PATJ: variants seen among roughly 807,000 people sequenced by gnomAD.
The protein encoded by PATJ is PATJ crumbs cell polarity complex component, also known as inaD-like protein.
Under a neutral mutation model 224.9 loss-of-function variants are expected in PATJ, and 190 were observed. The ratio of observed to expected loss-of-function variants is 0.84; its 90% CI spans 0.75 to 0.95. PATJ has a LOEUF of 0.95. PATJ is among the 40% of genes least tolerant of loss of function. The pLI, the probability that PATJ is intolerant of heterozygous loss-of-function variation, is 0.00. For synonymous variants in PATJ, 769 were observed against 820.3 expected (o/e 0.94, Z 1.07); for missense variants, 2,121 against 2,270.3 (o/e 0.93, Z 1.34).
chr1:61,769,611 T>A (rs1158921494), intron 5 of PATJ, among the ~76,000 whole-genome samples, 189 bp downstream of exon 5: 1 of 152,168 alleles, frequency 6.6e-6, no homozygotes, highest in African/African-American at 2.4e-5. Context: ...TTCCACTATA[T>A]AGGTATCATC....
intron 41 of PATJ, among the ~76,000 whole-genome samples, chr1:62,130,445 G>T (rs1294768168): frequency 6.6e-6 from 1 of 152,008 alleles, no homozygotes; most frequent in Admixed American, 6.6e-5. Context: ...CAGGAGAATT[G>T]CTTGAGCCCA....
At chr1:62,100,346 T>C (rs41289424) in intron 33 of PATJ, 9,649 of 718,118 alleles carry the variant, frequency 0.013, 88 homozygotes, top group Non-Finnish European at 0.019. Flanking sequence ...TCCAAGAGCA[T>C]GGAGCCAGCA....
At chr1:61,802,980 G>C (rs1391981912) in intron 12 of PATJ, among the ~76,000 whole-genome samples, 1 of 152,144 alleles carries the variant, frequency 6.6e-6, no homozygotes, top group African/African-American at 2.4e-5. Flanking sequence ...AATAGCCTAT[G>C]ATTTGGAAAT....
At chr1:61,883,993 G>A (rs532150060) in intron 21 of PATJ, among the ~76,000 whole-genome samples, 60 of 151,514 alleles carry the variant, frequency 4.0e-4, no homozygotes, top group East Asian at 3.7e-3. Flanking sequence ...TTTTTTTTTA[G>A]TGAGGCCACT....
At position 62,128,060 on chromosome 1, in the gene PATJ, C is replaced by T. The variant is rs374972112; in HGVS notation, c.5132C>T (p.Ala1711Val). 6.8e-6 allele frequency: 11 copies of T among 1,614,136 alleles called. No homozygotes were observed. In the African/African-American group the frequency reaches 1.3e-4, roughly 20 times the overall value. Residue 1711 changes from alanine (A) to valine (V), a missense_variant, in exon 40 of 44, where the codon GCT (alanine) becomes GTT (valine). Physicochemically the swap from Ala to Val is moderately conservative, Grantham distance 64. Coordinates refer to ENST00000642238, the MANE Select transcript of PATJ (RefSeq NM_001350145.3). The part of the protein sequence containing the change: ...DIPVFIAMIQ[A>V]SGVAARTQKL... ...CCCGTATTTATTGCCATGATTCAGG[C>T]TAGCGGAGTGGCCGCACGGACACAG...
intron 37 of PATJ, among the ~76,000 whole-genome samples, chr1:62,119,653 G>A (rs1205270326): frequency 1.3e-5 from 2 of 152,032 alleles, no homozygotes; most frequent in South Asian, 2.1e-4. Context: ...TTTTATAAAC[G>A]TCTTGGGGCC....
At chr1:62,098,420 C>T (rs1661671556) in intron 33 of PATJ, among the ~76,000 whole-genome samples, 1 of 151,154 alleles carries the variant, frequency 6.6e-6, no homozygotes, top group South Asian at 2.1e-4. Context: ...CATGGCGAAA[C>T]CCCATCTCTA....
intron 31 of PATJ, among the ~76,000 whole-genome samples, chr1:62,070,660 A>G (rs1014318132): frequency 3.3e-5 from 5 of 152,188 alleles, no homozygotes; most frequent in African/African-American, 1.2e-4. Flanking sequence ...AGTTCATTTT[A>G]TATCATATCA....
chr1:61,975,121 A>AT (rs1644059496), intron 27 of PATJ, among the ~76,000 whole-genome samples: 1 of 151,504 alleles, frequency 6.6e-6, no homozygotes, highest in Non-Finnish European at 1.5e-5. Context: ...ATGTTCTTTT[A>AT]TTTTTTGTAA....
At chr1:62,079,652 C>T (rs1658931838) in intron 32 of PATJ, 85 bp downstream of exon 32, 1 of 854,286 alleles carries the variant, frequency 1.2e-6, no homozygotes, top group South Asian at 1.6e-5. Flanking sequence ...AGAACTGGAC[C>T]AGGAGGCAGA....
rs528618077 is a variant in PATJ, at chr1:61,923,248, CT to C, written c.3571-4481del. On this transcript the variant is annotated intron_variant, in intron 26 of 43. Transcript: ENST00000642238. ...TAGTGGTTGCAGAATGCTCTTTTTA[CT>C]GTATTACTTTTCTCTGAAATTGCAT... Among the ~76,000 whole-genome samples, 60 of 152,308 alleles carry C rather than the reference CT, an allele frequency of 3.9e-4. 1 individual carries two copies. The highest frequency in any genetic ancestry group is 1.4e-3 in the African/African-American group (58 of 41,562).
At chr1:62,004,196 C>T (rs1179187318) in intron 28 of PATJ, among the ~76,000 whole-genome samples, 3 of 152,130 alleles carry the variant, frequency 2.0e-5, no homozygotes, top group East Asian at 1.9e-4. Context: ...TCCTTGAGGG[C>T]GGCAACTGTA....
intron 27 of PATJ, among the ~76,000 whole-genome samples, chr1:61,934,886 C>T (rs767590207): frequency 7.9e-5 from 12 of 152,132 alleles, no homozygotes; most frequent in Non-Finnish European, 1.2e-4. Flanking sequence ...CTCTTTCTGC[C>T]GAACCGCACC....
intron 22 of PATJ, among the ~76,000 whole-genome samples, chr1:61,885,140 A>G (rs894537987): frequency 3.3e-5 from 5 of 152,196 alleles, no homozygotes; most frequent in African/African-American, 1.2e-4. Flanking sequence ...TGTCTAAAAC[A>G]CCAAAAGCAA....
rs546610971 is a variant in PATJ, at chr1:62,144,766, CA to C, written c.5272-3506del. On this transcript the variant is annotated intron_variant, in intron 41 of 43. Coordinates refer to ENST00000642238, the MANE Select transcript of PATJ (RefSeq NM_001350145.3). ...TCTAAATGCTCTAGAATGTTATTTG[CA>C]AAAAAAAAAAATATATATATATATA... Among the ~76,000 whole-genome samples, 303 of 116,320 alleles carry C rather than the reference CA, an allele frequency of 2.6e-3. 13 individuals carry two copies. The highest frequency in any genetic ancestry group is 6.9e-3 in the African/African-American group (200 of 29,018). 76.3% of individuals were successfully genotyped at this position (116,320 alleles called of 152,430 possible).
intron 41 of PATJ, among the ~76,000 whole-genome samples, chr1:62,139,563 G>A (rs1258174218): frequency 6.6e-6 from 1 of 152,038 alleles, no homozygotes; most frequent in Non-Finnish European, 1.5e-5. Flanking sequence ...CCAGCTCACA[G>A]ACCATATCTC....
At chr1:62,041,872 A>G (rs959996332) in intron 30 of PATJ, among the ~76,000 whole-genome samples, 1 of 152,160 alleles carries the variant, frequency 6.6e-6, no homozygotes, top group African/African-American at 2.4e-5. Flanking sequence ...CTACTAAAAA[A>G]TAGAAAAAAT....
intron 27 of PATJ, among the ~76,000 whole-genome samples, chr1:61,971,608 G>A (rs1189951283): frequency 6.6e-6 from 1 of 151,800 alleles, no homozygotes; most frequent in African/African-American, 2.4e-5. Flanking sequence ...GTGAGATCCT[G>A]TCTCAAAAAA....
Position 61,980,217 on chromosome 1 carries a change from TG to T in PATJ, c.3671-9947del, listed in dbSNP as rs569220432. On this transcript the variant is annotated intron_variant, in intron 27 of 43. Coordinates refer to ENST00000642238, the MANE Select transcript of PATJ (RefSeq NM_001350145.3). Reference sequence around the variant, plus strand: ...GGAGGATTGCTTGAGCCCAGGAGGTTGGGGCTGCAGTGAGCCATGATTATGC... The same window carrying T: ...GGAGGATTGCTTGAGCCCAGGAGGTTGGGCTGCAGTGAGCCATGATTATGC... 6.6e-4 allele frequency among the ~76,000 whole-genome samples: 100 copies of T among 151,964 alleles called. 4 individuals carry two copies. Among genetic ancestry groups the T allele is most frequent in the African/African-American group, 2.3e-3 (96 of 41,332 alleles).
Sources: gnomAD v4.1 joint callset for allele counts (sites outside exome capture counted in the v4.1 genomes callset) on GRCh38, gnomAD v4.1.1 for gene constraint, MANE v1.5 for transcripts, NCBI Gene and HGNC (gene_info 2026-07-23, HGNC 2026-07-21) for gene names.